The following DOCK7 variants were observed in gnomAD, a reference collection of about 807,000 sequenced individuals.
DOCK7 encodes the protein dedicator of cytokinesis 7.
A neutral mutation model predicts 271.0 loss-of-function variants in DOCK7; 138 were observed. The observed-to-expected ratio is 0.51, with a 90% CI of 0.44 to 0.59. The LOEUF (loss-of-function observed/expected upper bound fraction) is 0.59. Among genes scored for constraint, DOCK7 ranks in the 20% least tolerant of loss-of-function variants. The pLI is 0.00. For synonymous variants in DOCK7, 823 were observed against 876.1 expected (o/e 0.94, Z 1.07); for missense variants, 2,066 against 2,592.4 (o/e 0.80, Z 4.41).
At chr1:62,579,002 A>C in intron 16 of DOCK7, 36 bp from the exon 17 acceptor site, 1 of 1,503,558 alleles carries the variant, frequency 6.7e-7, no homozygotes, top group Non-Finnish European at 8.9e-7. Flanking sequence ...AACAGTCAGT[A>C]ATTTGTCCAA....
In DOCK7 at chr1:62,475,858, T is replaced by C. The variant is rs764578433; in HGVS notation, c.5810A>G (p.Asn1937Ser). Residue 1937 changes from asparagine (N) to serine (S), a missense_variant, in exon 46 of 50, where the codon AAT (asparagine) becomes AGT (serine). Physicochemically the swap from Asn to Ser is conservative, Grantham distance 46. Coordinates refer to ENST00000635253, the MANE Select transcript of DOCK7 (RefSeq NM_001367561.1). Reference sequence around the variant, plus strand: ...TGTACAGTACATGAATCGACGAAGATTGTAATTTTTGTCGAAATAGGTGAT... The same window carrying C: ...TGTACAGTACATGAATCGACGAAGACTGTAATTTTTGTCGAAATAGGTGAT... ...DRITYFDKNYNLRRFMYCTPF... is the reference protein window; with the variant it reads ...DRITYFDKNYSLRRFMYCTPF... The C allele has an allele frequency of 2.7e-5, 43 of 1,613,986 alleles. No individual in the cohort carries two copies. Among genetic ancestry groups the C allele is most frequent in the Non-Finnish European group, 3.3e-5 (39 of 1,179,966 alleles).
At chr1:62,481,008 C>CAAAAAAAAAAA (rs35993847) in intron 43 of DOCK7, among the ~76,000 whole-genome samples, 3 of 94,660 alleles carry the variant, frequency 3.2e-5, no homozygotes, top group African/African-American at 4.1e-5. Flanking sequence ...GACTCCGTCT[C>CAAAAAAAAAAA]AAAAAAAAAA....
chr1:62,586,181 A>C (rs527525199), intron 15 of DOCK7, among the ~76,000 whole-genome samples: 48 of 152,310 alleles, frequency 3.2e-4, no homozygotes, highest in African/African-American at 1.1e-3. Flanking sequence ...CAGAAAAGAT[A>C]TCTCTACTTT....
At chr1:62,455,530 G>T (rs760845737) in intron 49 of DOCK7, 74 bp from the exon 50 acceptor site, 78 of 1,410,026 alleles carry the variant, frequency 5.5e-5, no homozygotes, top group Non-Finnish European at 7.1e-5. Flanking sequence ...GTCTTACATG[G>T]TTTTTTCTGC....
Position 62,586,494 on chromosome 1 carries a change from G to C in DOCK7, c.1800+13C>G. 1 of 1,555,614 alleles carries C rather than the reference G, an allele frequency of 6.4e-7. No homozygotes were observed. On this transcript the variant is annotated intron_variant, in intron 15 of 49. Coordinates refer to ENST00000635253, the MANE Select transcript of DOCK7 (RefSeq NM_001367561.1). ...AATACAAAAAATTAGAAAAGTAAAAGAACATTTCTTACCGGCATGGCATTG... is the reference window on the plus strand; with the variant it reads ...AATACAAAAAATTAGAAAAGTAAAACAACATTTCTTACCGGCATGGCATTG...
At chr1:62,536,546 G>A (rs1342627371) in intron 28 of DOCK7, among the ~76,000 whole-genome samples, 6 of 152,156 alleles carry the variant, frequency 3.9e-5, no homozygotes, top group Admixed American at 3.3e-4. Flanking sequence ...GGGCATGCTA[G>A]CCAGACTGAA....
At chr1:62,552,539 G>T (rs1645943176) in intron 22 of DOCK7, among the ~76,000 whole-genome samples, 193 bp downstream of exon 22, 1 of 152,134 alleles carries the variant, frequency 6.6e-6, no homozygotes, top group Non-Finnish European at 1.5e-5. Flanking sequence ...ATTTTTAGTG[G>T]AGTAGTTTGT....
At chr1:62,628,046 T>G (rs760798751) in intron 11 of DOCK7, 9 of 152,224 alleles carry the variant, frequency 5.9e-5, no homozygotes, top group Admixed American at 3.3e-4. Flanking sequence ...AGGACTGGTT[T>G]CATGGAAAAA....
intron 16 of DOCK7, among the ~76,000 whole-genome samples, chr1:62,579,208 A>C (rs1373075438): frequency 2.0e-5 from 3 of 152,172 alleles, no homozygotes; most frequent in Non-Finnish European, 4.4e-5. Flanking sequence ...CCTACTATTT[A>C]AAAGTTCATT....
intron 48 of DOCK7, among the ~76,000 whole-genome samples, chr1:62,462,586 A>C (rs1645562098): frequency 6.6e-6 from 1 of 152,314 alleles, no homozygotes; most frequent in Admixed American, 6.5e-5. Flanking sequence ...TTCACCACAA[A>C]CCTGTGAATG....
Position 62,529,352 on chromosome 1 carries a change from C to A in DOCK7, c.3706G>T (p.Ala1236Ser). The A allele has an allele frequency of 1.2e-6, 2 of 1,613,632 alleles. No individual in the cohort carries two copies. Among genetic ancestry groups the A allele is most frequent in the Non-Finnish European group, 1.7e-6 (2 of 1,179,872 alleles). The change falls in exon 30 of 50, where the codon GCT becomes TCT. Residue 1236 changes from alanine to serine, a missense_variant. This residue lies in a region of DOCK7 where 1,414 missense variants were observed against 1,670.4 expected (regional missense o/e 0.85). Coordinates refer to ENST00000635253, the MANE Select transcript of DOCK7 (RefSeq NM_001367561.1). ...DPRYSDPQIKARVAMLYLPLI... is the reference protein window; with the variant it reads ...DPRYSDPQIKSRVAMLYLPLI... ...GGTAGATACAACATGGCCACTCGAG[C>A]CTTTATCTGAGGGTCAGAGTACCGC...
intron 15 of DOCK7, chr1:62,584,487 A>G (rs1194905666): frequency 1.9e-6 from 2 of 1,051,724 alleles, no homozygotes; most frequent in Non-Finnish European, 1.1e-6. Flanking sequence ...AAAACATTGT[A>G]TTTTCATATG....
chr1:62,498,319 A>G (rs1646681734), intron 37 of DOCK7, among the ~76,000 whole-genome samples: 1 of 152,128 alleles, frequency 6.6e-6, no homozygotes, highest in Non-Finnish European at 1.5e-5. Flanking sequence ...ATGTGTCATT[A>G]TCTTTACCTA....
intron 29 of DOCK7, among the ~76,000 whole-genome samples, chr1:62,534,029 T>C (rs1645260646): frequency 6.6e-6 from 1 of 151,976 alleles, no homozygotes; most frequent in South Asian, 2.1e-4. Flanking sequence ...GATGAAGTCT[T>C]GCTCTATCAC....
At chr1:62,565,044 T>G (rs1646465410) in intron 18 of DOCK7, among the ~76,000 whole-genome samples, 1 of 152,124 alleles carries the variant, frequency 6.6e-6, no homozygotes, top group Admixed American at 6.6e-5. Context: ...GTTCTGAAAC[T>G]GAGGCAGTAA....
Position 62,573,653 on chromosome 1 carries a change from T to C in DOCK7, c.2112+3609A>G, listed in dbSNP as rs78359589. Among the ~76,000 whole-genome samples, 290 of 152,324 alleles carry C rather than the reference T, an allele frequency of 1.9e-3. 7 individuals are homozygous for C. In the East Asian group the frequency reaches 0.05, roughly 26 times the overall value. ...ATTTTGGCATACAAATACTTCATTT[T>C]AAAAGTAATTTTAAAAGGCTTGTTT... On this transcript the variant is annotated intron_variant, in intron 18 of 49. Coordinates refer to ENST00000635253, the MANE Select transcript of DOCK7 (RefSeq NM_001367561.1).
intron 1 of DOCK7, among the ~76,000 whole-genome samples, chr1:62,685,544 CG>C (rs1162278578): frequency 6.6e-6 from 1 of 152,084 alleles, no homozygotes; most frequent in African/African-American, 2.4e-5. Context: ...CACCCACCCC[CG>C]GGCTCCAAAT....
rs1387887128 is a variant in DOCK7 at position 62,559,117 on chromosome 1, T to C, written c.2303A>G (p.Asn768Ser). Reference protein sequence around the residue: ...DMRIMENNLENELKSSISALN... With the variant: ...DMRIMENNLESELKSSISALN... ...TGCTGAAATACTGCTCTTCAATTCA[T>C]TTTCTAAGTTATTTTCCATGATTCG... Residue 768 changes from asparagine (N) to serine (S), a missense_variant, in exon 20 of 50, where the codon AAT (asparagine) becomes AGT (serine). Transcript: ENST00000635253. The C allele has an allele frequency of 6.2e-7, 1 of 1,613,868 alleles. No individual in the cohort carries two copies. The highest frequency in any genetic ancestry group is 2.2e-5 in the East Asian group (1 of 44,874).
chr1:62,627,811 T>A (rs1157550112), intron 11 of DOCK7: 1 of 152,184 alleles, frequency 6.6e-6, no homozygotes, highest in African/African-American at 2.4e-5. Context: ...AATCTATAAA[T>A]TGACTTAGAG....
Sources: allele counts gnomAD v4.1 joint callset (sites outside exome capture counted in the v4.1 genomes callset), GRCh38; gene constraint gnomAD v4.1.1; regional missense constraint gnomAD v4.1.1; transcripts MANE v1.5; gene names NCBI Gene and HGNC (gene_info 2026-07-23, HGNC 2026-07-21).